Variants in SMIM3 observed in about 807,000 individuals in gnomAD.
SMIM3 encodes NGF-induced differentiation clone 67 protein.
A neutral mutation model predicts 2.1 loss-of-function variants in SMIM3; 4 were observed. The ratio of observed to expected loss-of-function variants is 1.89; its 90% CI spans 0.93 to 4.31. SMIM3 has a LOEUF of 4.31. Ranked by LOEUF, SMIM3 falls within the 30% of genes most tolerant of loss-of-function variation. The pLI, the probability that SMIM3 is intolerant of heterozygous loss-of-function variation, is 0.01. For synonymous variants in SMIM3, 29 were observed against 30.8 expected, an observed-to-expected ratio of 0.94 and a Z score of 0.19; for missense variants, 79 against 77.7, an observed-to-expected ratio of 1.02 and a Z score of -0.06.
intron 1 of SMIM3, among the ~76,000 whole-genome samples, chr5:150,788,510 C>G (rs1753315675): frequency 6.6e-6 from 1 of 151,672 alleles, no homozygotes; most frequent in South Asian, 2.1e-4. Flanking sequence ...TGGCGCACAC[C>G]TGTAGTCCCA....
rs2113193846 is a variant in SMIM3, at chr5:150,778,951, C to T, written c.-33C>T. ...AGCCATCCCTGACCCAGGAACTTTC[C>T]GCAGACTCGCCGCCATCTGGGGTGA... On this transcript the variant is annotated 5_prime_UTR_variant, in exon 1 of 2. Coordinates refer to ENST00000526627, the MANE Select transcript of SMIM3 (RefSeq NM_032947.5). The T allele has an allele frequency of 1.9e-6, 1 of 513,586 alleles. No individual in the cohort carries two copies. The highest frequency in any genetic ancestry group is 5.8e-5 in the East Asian group (1 of 17,152). The allele number at this position is 513,586 out of a possible 1,614,324, so 31.8% of individuals were successfully genotyped here.
rs2113209181 is a variant in SMIM3, at chr5:150,795,468, G to A, written c.28G>A (p.Glu10Lys). 2 of 1,613,968 alleles carry A rather than the reference G, an allele frequency of 1.2e-6. No individual in the cohort carries two copies. Among genetic ancestry groups the A allele is most frequent in the Non-Finnish European group, 1.7e-6 (2 of 1,179,900 alleles). The change falls in exon 2 of 2, where the codon GAA becomes AAA. Residue 10 changes from glutamate (E) to lysine (K), a missense_variant. Coordinates refer to ENST00000526627, the MANE Select transcript of SMIM3 (RefSeq NM_032947.5). ...GGATGCAGTCAGCCAAGTCCCCATGGAAGTCGTGCTTCCCAAGCACATCCT... is the reference window on the plus strand; with the variant it reads ...GGATGCAGTCAGCCAAGTCCCCATGAAAGTCGTGCTTCCCAAGCACATCCT... MDAVSQVPM[E>K]VVLPKHILDI...
In SMIM3 at chr5:150,796,173, C is replaced by G. The variant is rs1420994795; in HGVS notation, c.*550C>G. 1 of 154,414 alleles carries G rather than the reference C, an allele frequency of 6.5e-6. No homozygotes were observed. The highest frequency in any genetic ancestry group is 6.4e-5 in the Admixed American group (1 of 15,560). The allele number at this position is 154,414 out of a possible 1,614,324, so 9.6% of individuals were successfully genotyped here. A position where few individuals can be genotyped will look rare whatever the true frequency, so the allele number is the denominator to read the frequency against. ...GGGTGATGGGTAGAGCTTTCCAGAA[C>G]CTTCTCCATTCCAGAATCTCTGCCC... is the stretch of plus-strand genomic sequence containing the variant. On this transcript the variant is annotated 3_prime_UTR_variant, in exon 2 of 2. Transcript: ENST00000526627.
intron 1 of SMIM3, among the ~76,000 whole-genome samples, chr5:150,788,755 T>C (rs1753318958): frequency 6.6e-6 from 1 of 152,164 alleles, no homozygotes; most frequent in African/African-American, 2.4e-5. Context: ...CATTTTGGGA[T>C]TGTTGACTTT....
At chr5:150,785,083 CTTTTTTTTTTT>C (rs35401611) in intron 1 of SMIM3, among the ~76,000 whole-genome samples, 4 of 92,194 alleles carry the variant, frequency 4.3e-5, no homozygotes, top group East Asian at 2.9e-4. Flanking sequence ...CTGAAAATGT[CTTTTTTTTTTT>C]TTTTTTTTTT....
chr5:150,785,567 C>T, intron 1 of SMIM3, among the ~76,000 whole-genome samples: 2 of 139,274 alleles, frequency 1.4e-5, no homozygotes, highest in South Asian at 2.2e-4. Flanking sequence ...AGCAGATTTA[C>T]TATATTTCTT....
Position 150,795,523 on chromosome 5 carries a change from T to A in SMIM3, c.83T>A (p.Leu28Gln). 6.2e-7 allele frequency: 1 copy of A among 1,612,938 alleles called. No homozygotes were observed. Among genetic ancestry groups the A allele is most frequent in the African/African-American group, 1.3e-5 (1 of 75,068 alleles). The change falls in exon 2 of 2, where the codon CTG (leucine) becomes CAG (glutamine). Residue 28 changes from leucine to glutamine, a missense_variant. Physicochemically the swap from Leu to Gln is moderately radical, Grantham distance 113. Transcript: ENST00000526627. ...LDIWVIVLII[L>Q]ATIVIMTSLL... ...ATCTGGGTTATTGTCCTCATCATCC[T>A]GGCCACCATTGTCATCATGACCTCG...
At chr5:150,794,733 A>C (rs12655654) in intron 1 of SMIM3, among the ~76,000 whole-genome samples, 13,385 of 152,234 alleles carry the variant, frequency 0.088, 964 homozygotes, top group East Asian at 0.41. Flanking sequence ...CTGAATCCTT[A>C]GTGTCTTAGT....
At chr5:150,795,283 T>G in intron 1 of SMIM3, 147 bp from the exon 2 acceptor site, 1 of 807,630 alleles carries the variant, frequency 1.2e-6, no homozygotes, top group East Asian at 2.6e-5. Flanking sequence ...CCTCAGTAAA[T>G]GAAGCCATTG....
intron 1 of SMIM3, among the ~76,000 whole-genome samples, chr5:150,789,368 C>G (rs905562836): frequency 4.6e-5 from 7 of 152,054 alleles, no homozygotes; most frequent in Non-Finnish European, 1.0e-4. Flanking sequence ...CAAAATTTTT[C>G]TTTGACAGTA....
At chr5:150,785,420 G>A (rs1046844936) in intron 1 of SMIM3, among the ~76,000 whole-genome samples, 2 of 151,902 alleles carry the variant, frequency 1.3e-5, no homozygotes, top group Non-Finnish European at 2.9e-5. Flanking sequence ...ATTCTTGGCA[G>A]TTATTTCTGT....
chr5:150,793,477 T>C (rs1052667891), intron 1 of SMIM3, among the ~76,000 whole-genome samples: 1 of 152,112 alleles, frequency 6.6e-6, no homozygotes, highest in Non-Finnish European at 1.5e-5. Context: ...AATAGGCACA[T>C]AGACTAATGG....
chr5:150,793,014 G>A (rs1460306164), intron 1 of SMIM3, among the ~76,000 whole-genome samples: 3 of 150,148 alleles, frequency 2.0e-5, no homozygotes, highest in Non-Finnish European at 4.4e-5. Flanking sequence ...AATAAAAACT[G>A]TTTTTTTCAA....
rs1430529571 is a variant in SMIM3, at chr5:150,796,106, TTTTC to T, written c.*487_*490del. 5.0e-5 allele frequency: 8 copies of T among 158,922 alleles called. No homozygotes were observed. Among genetic ancestry groups the T allele is most frequent in the African/African-American group, 1.9e-4 (8 of 41,608 alleles). 9.8% of individuals were successfully genotyped at this position (158,922 alleles called of 1,614,324 possible). A position where few individuals can be genotyped will look rare whatever the true frequency, so the allele number is the denominator to read the frequency against. On this transcript the variant is annotated 3_prime_UTR_variant, in exon 2 of 2. Coordinates refer to ENST00000526627, the MANE Select transcript of SMIM3 (RefSeq NM_032947.5). ...GCCAGCAGCACTTTGGCCCAAAGTATTTTCTTTAAGGTGCCATTCCTTCATGTTT... is the reference window on the plus strand; with the variant it reads ...GCCAGCAGCACTTTGGCCCAAAGTATTTTAAGGTGCCATTCCTTCATGTTT...
chr5:150,779,624 C>G (rs1022921656), intron 1 of SMIM3, among the ~76,000 whole-genome samples: 1 of 152,222 alleles, frequency 6.6e-6, no homozygotes, highest in African/African-American at 2.4e-5. Flanking sequence ...CAAGCTCCCT[C>G]CTGCTGGTTA....
chr5:150,780,068 A>G (rs1183210100), intron 1 of SMIM3, among the ~76,000 whole-genome samples: 2 of 152,156 alleles, frequency 1.3e-5, no homozygotes, highest in African/African-American at 2.4e-5. Flanking sequence ...TTCCTTGAAC[A>G]TCTGCTATGA....
chr5:150,786,475 T>C (rs1753294923), intron 1 of SMIM3, among the ~76,000 whole-genome samples: 1 of 152,074 alleles, frequency 6.6e-6, no homozygotes, highest in African/African-American at 2.4e-5. Flanking sequence ...TTTGTGGAGA[T>C]GGGATTTTGC....
rs1005667126 is a variant in SMIM3, at chr5:150,778,868, T to C, written c.-116T>C. 1 of 490,432 alleles carries C rather than the reference T, an allele frequency of 2.0e-6. No individual in the cohort carries two copies. The highest frequency in any genetic ancestry group is 2.2e-5 in the Admixed American group (1 of 45,176). The allele number at this position is 490,432 out of a possible 1,614,324, so 30.4% of individuals were successfully genotyped here. ...CTGCCTAGGGCTGAGGTTCCAGGCC[T>C]GGGGGTCGCTTCCAGCTGCCAGATC... On this transcript the variant is annotated 5_prime_UTR_variant, in exon 1 of 2. Coordinates refer to ENST00000526627, the MANE Select transcript of SMIM3 (RefSeq NM_032947.5).
intron 1 of SMIM3, among the ~76,000 whole-genome samples, chr5:150,790,486 T>C (rs1253371970): frequency 6.6e-6 from 1 of 152,148 alleles, no homozygotes; most frequent in African/African-American, 2.4e-5. Flanking sequence ...GGAAAGTTAC[T>C]CCATTTCCTA....
Sources: gnomAD v4.1 joint callset for allele counts (sites outside exome capture counted in the v4.1 genomes callset) on GRCh38, gnomAD v4.1.1 for gene constraint, MANE v1.5 for transcripts, NCBI Gene and HGNC (gene_info 2026-07-23, HGNC 2026-07-21) for gene names.